Variants in ANKRD50 observed in about 807,000 individuals in gnomAD.
ANKRD50 encodes the protein ankyrin repeat domain-containing protein 50.
ANKRD50 carries 40 observed loss-of-function variants against 112.0 expected under a neutral mutation model. That is an observed-to-expected ratio of 0.36 (90% confidence interval 0.28 to 0.46). ANKRD50 has a LOEUF of 0.46. Among genes scored for constraint, ANKRD50 ranks in the 20% least tolerant of loss-of-function variants. The probability of loss-of-function intolerance (pLI) is 1.00; values close to 1 mark genes in which losing one functional copy is unlikely to be tolerated. For missense variants in ANKRD50, 1,487 were observed against 1,701.7 expected (o/e 0.87, Z 2.22); for synonymous variants, 613 against 619.1 (o/e 0.99, Z 0.15).
At chr4:124,701,794 G>C (rs1313727850) in intron 2 of ANKRD50, among the ~76,000 whole-genome samples, 1 of 151,148 alleles carries the variant, frequency 6.6e-6, no homozygotes, top group Non-Finnish European at 1.5e-5. Flanking sequence ...CCACACGTGT[G>C]AGCAACCACA....
At chr4:124,689,940 G>C (rs944743220) in intron 2 of ANKRD50, among the ~76,000 whole-genome samples, 8 of 152,034 alleles carry the variant, frequency 5.3e-5, no homozygotes, top group Non-Finnish European at 8.8e-5. Context: ...TTTAAAATGT[G>C]TATTCTATAT....
At chr4:124,700,578 GTTATCAATGGTGACTCCTACA>G (rs912684135) in intron 2 of ANKRD50, among the ~76,000 whole-genome samples, 2 of 151,884 alleles carry the variant, frequency 1.3e-5, no homozygotes, top group African/African-American at 4.8e-5. Context: ...ATGAAACTGA[GTTATCAATGGTGACTCCTACA>G]TTTCTGATAA....
intron 2 of ANKRD50, among the ~76,000 whole-genome samples, chr4:124,690,841 G>C (rs1725120312): frequency 6.6e-6 from 1 of 152,156 alleles, no homozygotes; most frequent in Admixed American, 6.5e-5. Context: ...ACCAAGTATA[G>C]AAAGAAGTAA....
intron 2 of ANKRD50, 76 bp from the exon 3 acceptor site, chr4:124,678,981 G>T: frequency 9.5e-7 from 1 of 1,053,354 alleles, no homozygotes; most frequent in Non-Finnish European, 1.4e-6. Flanking sequence ...AAACATTAGA[G>T]TATTAATTAT....
intron 1 of ANKRD50, among the ~76,000 whole-genome samples, chr4:124,711,541 G>T (rs895053939): frequency 2.6e-5 from 4 of 152,060 alleles, no homozygotes; most frequent in South Asian, 2.1e-4. Context: ...AGCAAAGGAG[G>T]GGGGGAGAAA....
At chr4:124,679,491 G>A (rs1724823807) in intron 2 of ANKRD50, among the ~76,000 whole-genome samples, 1 of 152,082 alleles carries the variant, frequency 6.6e-6, no homozygotes, top group South Asian at 2.1e-4. Context: ...CAAAGTATTA[G>A]GCTTTACTCC....
intron 2 of ANKRD50, among the ~76,000 whole-genome samples, chr4:124,704,425 A>G (rs2110527952): frequency 6.6e-6 from 1 of 152,338 alleles, no homozygotes; most frequent in Middle Eastern, 3.4e-3. Context: ...CAGTTGAGAC[A>G]GGAGATAGAT....
chr4:124,683,756 C>CAAA (rs33990913), intron 2 of ANKRD50, among the ~76,000 whole-genome samples: 1 of 86,618 alleles, frequency 1.2e-5, no homozygotes, highest in African/African-American at 4.1e-5. Flanking sequence ...GACTCCGTCT[C>CAAA]AAAAAAAAAA....
chr4:124,710,249 G>C lies in ANKRD50; in HGVS notation c.263C>G (p.Thr88Ser), dbSNP rs1476878540. The change falls in exon 2 of 5, where the codon ACT (threonine) becomes AGT (serine). Residue 88 changes from threonine to serine, a missense_variant. Thr to Ser is a moderately conservative substitution (Grantham distance 58). Coordinates refer to ENST00000504087, the MANE Select transcript of ANKRD50 (RefSeq NM_020337.3). ...AGGTGAACTTGGCCATAAGAGTTCA[G>C]TACATAGGGCCGTCTTGCCACTGCC... ...GPGSGKTALC[T>S]ELLWPSSPAS... 2 of 1,614,208 alleles carry C rather than the reference G, an allele frequency of 1.2e-6. No individual in the cohort carries two copies. The highest frequency in any genetic ancestry group is 8.5e-7 in the Non-Finnish European group (1 of 1,180,036).
At chr4:124,712,021 C>A (rs1204823784) in intron 1 of ANKRD50, among the ~76,000 whole-genome samples, 3 of 152,076 alleles carry the variant, frequency 2.0e-5, no homozygotes, top group Non-Finnish European at 4.4e-5. Context: ...AAAAGGAACT[C>A]CGGGATTCCC....
At chr4:124,702,226 C>G (rs1725408587) in intron 2 of ANKRD50, among the ~76,000 whole-genome samples, 1 of 152,068 alleles carries the variant, frequency 6.6e-6, no homozygotes, top group Non-Finnish European at 1.5e-5. Context: ...TTATCACAGG[C>G]TCAGAGGAAT....
intron 2 of ANKRD50, among the ~76,000 whole-genome samples, chr4:124,705,703 G>C (rs1432849462): frequency 6.6e-6 from 1 of 152,112 alleles, no homozygotes; most frequent in Non-Finnish European, 1.5e-5. Flanking sequence ...TTAGTTGCTT[G>C]AGTTTTTTGT....
chr4:124,668,430 T>C (rs1205724943), intron 4 of ANKRD50, among the ~76,000 whole-genome samples: 1 of 152,124 alleles, frequency 6.6e-6, no homozygotes, highest in African/African-American at 2.4e-5. Flanking sequence ...TAATATTTAC[T>C]ATCTACTATG....
intron 2 of ANKRD50, 86 bp downstream of exon 2, chr4:124,709,914 C>G: frequency 6.6e-7 from 1 of 1,510,126 alleles, no homozygotes; most frequent in South Asian, 1.3e-5. Context: ...TAAAAGTAAC[C>G]CACAAAGTTA....
At chr4:124,695,296 G>A (rs1725228520) in intron 2 of ANKRD50, among the ~76,000 whole-genome samples, 1 of 152,168 alleles carries the variant, frequency 6.6e-6, no homozygotes, top group Non-Finnish European at 1.5e-5. Flanking sequence ...AGAATGACCT[G>A]CTAATTTCTT....
intron 2 of ANKRD50, among the ~76,000 whole-genome samples, chr4:124,696,514 A>G (rs947982141): frequency 4.6e-5 from 7 of 152,120 alleles, no homozygotes; most frequent in African/African-American, 1.7e-4. Flanking sequence ...CCACAGATTT[A>G]AGAAACTCAA....
intron 2 of ANKRD50, among the ~76,000 whole-genome samples, chr4:124,690,184 G>C (rs942230725): frequency 6.6e-6 from 1 of 152,154 alleles, no homozygotes; most frequent in Admixed American, 6.5e-5. Flanking sequence ...GGGACATTTG[G>C]AATATGCCAA....
intron 2 of ANKRD50, among the ~76,000 whole-genome samples, chr4:124,704,746 C>T (rs1725466355): frequency 6.6e-6 from 1 of 152,120 alleles, no homozygotes; most frequent in African/African-American, 2.4e-5. Flanking sequence ...TCATGAATAA[C>T]GTTATGAAGA....
intron 2 of ANKRD50, among the ~76,000 whole-genome samples, chr4:124,700,574 C>G (rs1359014053): frequency 6.6e-6 from 1 of 152,036 alleles, no homozygotes; most frequent in Non-Finnish European, 1.5e-5. Context: ...ACGAATGAAA[C>G]TGAGTTATCA....
Sources: gnomAD v4.1 joint callset for allele counts (sites outside exome capture counted in the v4.1 genomes callset) on GRCh38, gnomAD v4.1.1 for gene constraint, MANE v1.5 for transcripts, NCBI Gene and HGNC (gene_info 2026-07-23, HGNC 2026-07-21) for gene names.